CFAP299: variants seen among roughly 807,000 people sequenced by gnomAD.
CFAP299 encodes the protein cilia- and flagella-associated protein 299.
CFAP299 carries 21 observed loss-of-function variants against 27.0 expected under a neutral mutation model. The ratio of observed to expected loss-of-function variants is 0.78; its 90% CI spans 0.55 to 1.12. The LOEUF is 1.12. CFAP299 is among the 50% of genes most tolerant of loss of function. The pLI, the probability that CFAP299 is intolerant of heterozygous loss-of-function variation, is 0.00. For missense variants in CFAP299, 310 were observed against 276.6 expected, an observed-to-expected ratio of 1.12 and a Z score of -0.86; for synonymous variants, 104 against 98.1, an observed-to-expected ratio of 1.06 and a Z score of -0.36.
At chr4:80,583,984 G>C (rs1736305847) in intron 3 of CFAP299, among the ~76,000 whole-genome samples, 2 of 151,866 alleles carry the variant, frequency 1.3e-5, no homozygotes, top group Admixed American at 6.6e-5. Flanking sequence ...CCCACTATCA[G>C]GTCCACTGAA....
At chr4:80,779,138 C>CAT (rs1164702504) in intron 3 of CFAP299, among the ~76,000 whole-genome samples, 5 of 152,096 alleles carry the variant, frequency 3.3e-5, no homozygotes, top group East Asian at 1.9e-4. Context: ...TTAAGTAGCT[C>CAT]ACCCTTGTAT....
chr4:80,621,381 A>G (rs1464707223), intron 3 of CFAP299, among the ~76,000 whole-genome samples: 1 of 152,150 alleles, frequency 6.6e-6, no homozygotes, highest in Non-Finnish European at 1.5e-5. Context: ...AGACAAAGTT[A>G]TTGTCTCCCT....
chr4:80,400,167 T>C lies in CFAP299; in HGVS notation c.242+37283T>C, dbSNP rs1056035203. ...TATAAAGTTTCATTGAAGTGAATAA[T>C]TTGACAGTCAACTGATCCGAGTGTA... On this transcript the variant is annotated intron_variant, in intron 2 of 5. Coordinates refer to ENST00000358105, the MANE Select transcript of CFAP299 (RefSeq NM_152770.3). Among the ~76,000 whole-genome samples the C allele has an allele frequency of 3.3e-5, 5 of 152,232 alleles. No homozygotes were observed. In the East Asian group the frequency reaches 9.6e-4, roughly 29 times the overall value.
intron 2 of CFAP299, among the ~76,000 whole-genome samples, chr4:80,367,463 T>C (rs1459308451): frequency 6.6e-6 from 1 of 152,196 alleles, no homozygotes; most frequent in Non-Finnish European, 1.5e-5. Context: ...AATTATTTTC[T>C]TTACTTCTTT....
chr4:80,424,775 A>T (rs1165611305), intron 2 of CFAP299, among the ~76,000 whole-genome samples: 1 of 152,208 alleles, frequency 6.6e-6, no homozygotes, highest in East Asian at 1.9e-4. Context: ...TGACTGGACG[A>T]TACAAAAAAA....
At chr4:80,702,695 G>C (rs1444651014) in intron 3 of CFAP299, among the ~76,000 whole-genome samples, 3 of 151,754 alleles carry the variant, frequency 2.0e-5, no homozygotes, top group Admixed American at 2.0e-4. Context: ...TTCACATTTT[G>C]TATTTTCAAA....
chr4:80,791,415 G>A (rs570046262), intron 3 of CFAP299, among the ~76,000 whole-genome samples: 8 of 152,104 alleles, frequency 5.3e-5, no homozygotes, highest in African/African-American at 1.7e-4. Flanking sequence ...TTGTAGTGAA[G>A]ATTAAATGAG....
chr4:80,379,673 G>T (rs1409186956), intron 2 of CFAP299, among the ~76,000 whole-genome samples: 17 of 151,818 alleles, frequency 1.1e-4, no homozygotes, highest in Admixed American at 9.2e-4. Flanking sequence ...GAAGTATGTT[G>T]TTTAACCTCT....
chr4:80,702,501 T>C (rs1056950623), intron 3 of CFAP299, among the ~76,000 whole-genome samples: 11 of 152,026 alleles, frequency 7.2e-5, no homozygotes, highest in Non-Finnish European at 1.5e-4. Context: ...TTAATCTGCA[T>C]GTCTGTGGTG....
intron 2 of CFAP299, among the ~76,000 whole-genome samples, chr4:80,563,184 A>G (rs1043289718): frequency 2.6e-5 from 4 of 152,114 alleles, no homozygotes; most frequent in African/African-American, 9.7e-5. Flanking sequence ...AATCTGCAGG[A>G]TAGCCCAACT....
chr4:80,542,504 G>A lies in CFAP299; in HGVS notation c.243-40589G>A, dbSNP rs75884877. Reference sequence around the variant, plus strand: ...AACCAAGAATGCTCCACAGGGTTGCGGAGTACCAGAATGCATTCCAAGCCC... The same window carrying A: ...AACCAAGAATGCTCCACAGGGTTGCAGAGTACCAGAATGCATTCCAAGCCC... On this transcript the variant is annotated intron_variant, in intron 2 of 5. Transcript: ENST00000358105. Among the ~76,000 whole-genome samples, 1,142 of 152,214 alleles carry A rather than the reference G, an allele frequency of 7.5e-3. 13 individuals are homozygous for A. Among genetic ancestry groups the A allele is most frequent in the African/African-American group, 0.027 (1,102 of 41,540 alleles).
chr4:80,808,045 G>A (rs995873715), intron 3 of CFAP299, among the ~76,000 whole-genome samples: 2 of 151,084 alleles, frequency 1.3e-5, no homozygotes, highest in African/African-American at 4.9e-5. Context: ...AAAAAACAAA[G>A]GGGAAATTAA....
chr4:80,785,405 C>CTA (rs1281966026), intron 3 of CFAP299, among the ~76,000 whole-genome samples: 1 of 152,238 alleles, frequency 6.6e-6, no homozygotes, highest in Non-Finnish European at 1.5e-5. Flanking sequence ...ACCATCAAGT[C>CTA]TATAATTCTT....
chr4:80,324,764 T>C, the CFAP299 span, among the ~76,000 whole-genome samples: 1 of 152,218 alleles, frequency 6.6e-6, no homozygotes, highest in African/African-American at 2.4e-5. Flanking sequence ...TATTGGAATA[T>C]TTACATGATA....
At chr4:80,404,630 C>G (rs921676469) in intron 2 of CFAP299, among the ~76,000 whole-genome samples, 1 of 152,188 alleles carries the variant, frequency 6.6e-6, no homozygotes, top group African/African-American at 2.4e-5. Context: ...ATTTGTGAGG[C>G]TGAATAATAT....
chr4:80,838,081 G>C (rs1730666639), intron 3 of CFAP299, among the ~76,000 whole-genome samples: 1 of 151,696 alleles, frequency 6.6e-6, no homozygotes, highest in Admixed American at 6.6e-5. Context: ...CTCTTGAGAA[G>C]TGTCCTTCGA....
chr4:80,330,394 A>G, the CFAP299 span, among the ~76,000 whole-genome samples: 2 of 152,142 alleles, frequency 1.3e-5, no homozygotes, highest in African/African-American at 4.8e-5. Context: ...GACAGACCAC[A>G]GCGTGGTCTA....
At position 80,569,853 on chromosome 4, in the gene CFAP299, G is replaced by A. The variant is rs554166295; in HGVS notation, c.243-13240G>A. 1.8e-4 allele frequency among the ~76,000 whole-genome samples: 27 copies of A among 151,978 alleles called. 1 individual carries two copies. In the South Asian group the frequency reaches 5.4e-3, roughly 30 times the overall value. The stretch of plus-strand genomic sequence containing the variant: ...AGACACTATTTTTAGCTTCATGATT[G>A]GAAGCTACAGTATCATAAAGATGTT... On this transcript the variant is annotated intron_variant, in intron 2 of 5. Coordinates refer to ENST00000358105, the MANE Select transcript of CFAP299 (RefSeq NM_152770.3).
rs533516535 is a variant in CFAP299 at position 80,651,023 on chromosome 4, T to TA, written c.333+67847dup. ...AATAACCTATGGAAATAAAAAAAAT[T>TA]AAAAAAATATTTTTTAAGATTTAAC... On this transcript the variant is annotated intron_variant, in intron 3 of 5. Transcript: ENST00000358105. Among the ~76,000 whole-genome samples the TA allele has an allele frequency of 7.5e-4, 114 of 152,158 alleles. 1 individual carries two copies. The highest frequency in any genetic ancestry group is 2.6e-3 in the African/African-American group (106 of 41,540).
Sources: gnomAD v4.1 joint callset for allele counts (sites outside exome capture counted in the v4.1 genomes callset) on GRCh38, gnomAD v4.1.1 for gene constraint, MANE v1.5 for transcripts, NCBI Gene and HGNC (gene_info 2026-07-23, HGNC 2026-07-21) for gene names.